Variants in SMOC1 observed in about 807,000 individuals in gnomAD.
SMOC1 encodes SPARC related modular calcium binding 1.
In SMOC1, 22 loss-of-function variants were observed where a neutral mutation model predicts 56.3. The observed-to-expected ratio is 0.39, with a 90% CI of 0.28 to 0.56. The LOEUF (loss-of-function observed/expected upper bound fraction) is 0.56. Ranked by LOEUF, SMOC1 falls within the 20% of genes least tolerant of loss-of-function variation. SMOC1 has a pLI of 0.61. For synonymous variants in SMOC1, 193 were observed against 215.0 expected, an observed-to-expected ratio of 0.90 and a Z score of 0.89; for missense variants, 509 against 565.4, an observed-to-expected ratio of 0.90 and a Z score of 1.01.
chr14:69,996,956 A>G (rs1352807568), intron 7 of SMOC1, among the ~76,000 whole-genome samples: 1 of 152,252 alleles, frequency 6.6e-6, no homozygotes, highest in Non-Finnish European at 1.5e-5. Flanking sequence ...GATCACAGCC[A>G]CAGCCATATA....
In SMOC1 at chr14:70,032,279, G is replaced by A. The variant is rs919397506; in HGVS notation, c.*2021G>A. ...TGTCTCCCACAGGATCGTGTGTGTA[G>A]GTGGTGTTGTGTGGTTTTCCTTTGT... is the stretch of plus-strand genomic sequence containing the variant. On this transcript the variant is annotated 3_prime_UTR_variant, in exon 12 of 12. Transcript: ENST00000361956. The A allele has an allele frequency of 6.6e-6, 1 of 152,302 alleles. No individual in the cohort carries two copies. The highest frequency in any genetic ancestry group is 1.5e-5 in the Non-Finnish European group (1 of 68,046). The allele number at this position is 152,302 out of a possible 1,614,324, so 9.4% of individuals were successfully genotyped here.
chr14:69,887,417 G>T (rs76785704), intron 1 of SMOC1, among the ~76,000 whole-genome samples: 5,923 of 152,152 alleles, frequency 0.039, 265 homozygotes, highest in African/African-American at 0.11. Flanking sequence ...CTACCTTTTT[G>T]GGGGAGAGGG....
At chr14:69,965,100 G>A (rs991427615) in intron 3 of SMOC1, among the ~76,000 whole-genome samples, 3 of 152,114 alleles carry the variant, frequency 2.0e-5, no homozygotes, top group Non-Finnish European at 4.4e-5. Context: ...TGACTAGGCC[G>A]GGTGCAGTAG....
rs1886085370 is a variant in SMOC1, at chr14:70,030,141, T to C, written c.1292-101T>C. The C allele has an allele frequency of 2.6e-6, 4 of 1,556,014 alleles. No homozygotes were observed. The Admixed American group carries it at 7.1e-5, about 27-fold the overall frequency. ...AAGGCTGCACTTGTGGGGAAATTGA[T>C]GGACATAGCTGGATTTCTCACAAGC... On this transcript the variant is annotated intron_variant, in intron 11 of 11. Transcript: ENST00000361956.
At chr14:69,919,068 A>C (rs931418143) in intron 1 of SMOC1, among the ~76,000 whole-genome samples, 5 of 152,170 alleles carry the variant, frequency 3.3e-5, no homozygotes, top group African/African-American at 7.2e-5. Flanking sequence ...GAATGCACAC[A>C]CTTGAGGTGG....
At chr14:70,021,069 C>A (rs1423953362) in intron 10 of SMOC1, among the ~76,000 whole-genome samples, 1 of 152,198 alleles carries the variant, frequency 6.6e-6, no homozygotes, top group Admixed American at 6.5e-5. Context: ...TTACGCTATA[C>A]TGAGCCTAAA....
chr14:70,011,469 A>C lies in SMOC1; in HGVS notation c.858-16A>C, dbSNP rs200997267. On this transcript the variant is annotated splice_polypyrimidine_tract_variant and intron_variant, in intron 8 of 11. Transcript: ENST00000361956. Reference sequence around the variant, plus strand: ...GCCAGCCCCTCCCAACCCCCCCCATATCTCTCTTTTCCCAGCTACGTGATG... The same window carrying C: ...GCCAGCCCCTCCCAACCCCCCCCATCTCTCTCTTTTCCCAGCTACGTGATG... 4.9e-5 allele frequency: 65 copies of C among 1,333,670 alleles called. No individual in the cohort carries two copies. The highest frequency in any genetic ancestry group is 1.3e-4 in the East Asian group (5 of 38,900). 82.6% of individuals were successfully genotyped at this position (1,333,670 alleles called of 1,614,324 possible). A position where few individuals can be genotyped will look rare whatever the true frequency, so the allele number is the denominator to read the frequency against.
intron 3 of SMOC1, among the ~76,000 whole-genome samples, chr14:69,954,478 C>G (rs1883117519): frequency 6.6e-6 from 1 of 152,214 alleles, no homozygotes; most frequent in Non-Finnish European, 1.5e-5. Flanking sequence ...TTGGCACAGA[C>G]TATTTCTAAA....
At chr14:69,975,683 T>C (rs1387488799) in intron 3 of SMOC1, 32 bp from the exon 4 acceptor site, 14 of 1,510,102 alleles carry the variant, frequency 9.3e-6, no homozygotes, top group East Asian at 2.3e-5. Flanking sequence ...CCGAGACTTA[T>C]GGTTTTCTTC....
At position 70,010,850 on chromosome 14, in the gene SMOC1, G is replaced by C. The variant is rs758375404; in HGVS notation, c.761G>C (p.Gly254Ala). The C allele has an allele frequency of 4.3e-6, 7 of 1,614,162 alleles. No individual in the cohort carries two copies. The highest frequency in any genetic ancestry group is 1.7e-5 in the Admixed American group (1 of 60,026). The stretch of plus-strand genomic sequence containing the variant: ...ATTGTCATCCCTGAATGTGCCCCTG[G>C]GGGACTCTATAAGCCAGTGCAATGC... ...EGIVIPECAP[G>A]GLYKPVQCHQ... The change falls in exon 8 of 12, where the codon GGG (glycine) becomes GCG (alanine). Residue 254 changes from glycine to alanine, a missense_variant. Transcript: ENST00000361956.
intron 1 of SMOC1, among the ~76,000 whole-genome samples, chr14:69,905,629 C>T (rs187433316): frequency 5.9e-5 from 9 of 152,006 alleles, no homozygotes; most frequent in East Asian, 1.9e-4. Flanking sequence ...AGAGACCATG[C>T]GCATCTGAGT....
intron 1 of SMOC1, among the ~76,000 whole-genome samples, chr14:69,909,309 A>G (rs78269056): frequency 0.017 from 2,597 of 152,298 alleles, 62 homozygotes; most frequent in African/African-American, 0.059. Flanking sequence ...AGCGTGTGAA[A>G]TATCGCCTTA....
intron 1 of SMOC1, among the ~76,000 whole-genome samples, chr14:69,899,019 C>T (rs150788084): frequency 2.6e-5 from 4 of 152,180 alleles, no homozygotes; most frequent in African/African-American, 4.8e-5. Flanking sequence ...CTGTGAACTT[C>T]GTAAGTGCTT....
intron 1 of SMOC1, among the ~76,000 whole-genome samples, chr14:69,890,998 A>G (rs368647121): frequency 6.6e-6 from 1 of 152,234 alleles, no homozygotes; most frequent in Non-Finnish European, 1.5e-5. Flanking sequence ...AGAAAAATAA[A>G]TTAAAGTATA....
intron 1 of SMOC1, among the ~76,000 whole-genome samples, chr14:69,940,751 T>TC (rs1882523325): frequency 6.6e-6 from 1 of 152,046 alleles, no homozygotes; most frequent in Non-Finnish European, 1.5e-5. Context: ...CTATTTTTTT[T>TC]CCCTCAATGC....
rs907426348 is a variant in SMOC1 at position 69,994,089 on chromosome 14, G to A, written c.584-311G>A. 4 of 431,966 alleles carry A rather than the reference G, an allele frequency of 9.3e-6. No individual in the cohort carries two copies. In the Admixed American group the frequency reaches 1.0e-4, roughly 11 times the overall value. 26.8% of individuals were successfully genotyped at this position (431,966 alleles called of 1,614,324 possible). A position where few individuals can be genotyped will look rare whatever the true frequency, so the allele number is the denominator to read the frequency against. ...TTCTCCCAGGGAAGCAGCTGAGAGGGACTTGGCTTGGCCCATGTTCCTTAC... is the reference window on the plus strand; with the variant it reads ...TTCTCCCAGGGAAGCAGCTGAGAGGAACTTGGCTTGGCCCATGTTCCTTAC... On this transcript the variant is annotated intron_variant, in intron 6 of 11. Transcript: ENST00000361956.
intron 1 of SMOC1, among the ~76,000 whole-genome samples, chr14:69,912,944 CA>C (rs1884591847): frequency 6.6e-6 from 1 of 152,162 alleles, no homozygotes; most frequent in South Asian, 2.1e-4. Flanking sequence ...ACTTTAAACA[CA>C]ATTTGAATAA....
At chr14:69,904,327 G>A (rs1328606392) in intron 1 of SMOC1, among the ~76,000 whole-genome samples, 3 of 152,146 alleles carry the variant, frequency 2.0e-5, no homozygotes, top group Non-Finnish European at 4.4e-5. Flanking sequence ...CCTTGATCTG[G>A]AGCTTCACTT....
At chr14:69,958,178 T>C (rs571829238) in intron 3 of SMOC1, among the ~76,000 whole-genome samples, 4 of 152,298 alleles carry the variant, frequency 2.6e-5, no homozygotes, top group South Asian at 4.1e-4. Context: ...GGAGGATTGC[T>C]TGAGTCCAGG....
Sources: allele counts gnomAD v4.1 joint callset (sites outside exome capture counted in the v4.1 genomes callset), GRCh38; gene constraint gnomAD v4.1.1; transcripts MANE v1.5; gene names NCBI Gene and HGNC (gene_info 2026-07-23, HGNC 2026-07-21).